Variants in PLXDC2 observed in about 807,000 individuals in gnomAD.
The protein encoded by PLXDC2 is plexin domain containing 2.
In PLXDC2, 40 loss-of-function variants were observed where a neutral mutation model predicts 68.9. The ratio of observed to expected loss-of-function variants is 0.58; its 90% confidence interval spans 0.45 to 0.76. The LOEUF is 0.76. Among genes scored for constraint, PLXDC2 ranks in the 30% least tolerant of loss-of-function variants. The probability of loss-of-function intolerance (pLI) is 0.00; values close to 1 mark genes in which losing one functional copy is unlikely to be tolerated. For missense variants in PLXDC2, 644 were observed against 661.9 expected (o/e 0.97, Z 0.30); for synonymous variants, 243 against 234.2 (o/e 1.04, Z -0.34).
intron 6 of PLXDC2, among the ~76,000 whole-genome samples, chr10:20,150,442 C>T (rs116270623): frequency 8.4e-4 from 128 of 152,142 alleles, no homozygotes; most frequent in African/African-American, 2.9e-3. Flanking sequence ...AGCAGTGTGG[C>T]GATTCCTCAA....
At chr10:19,945,995 A>G (rs547080150) in intron 1 of PLXDC2, among the ~76,000 whole-genome samples, 1 of 152,202 alleles carries the variant, frequency 6.6e-6, no homozygotes, top group African/African-American at 2.4e-5. Flanking sequence ...ATTGGACCCA[A>G]TGCTGCATCC....
In PLXDC2 at chr10:20,121,534, G is replaced by A. The variant is rs560755762; in HGVS notation, c.542-21761G>A. 4.5e-4 allele frequency among the ~76,000 whole-genome samples: 69 copies of A among 152,294 alleles called. No homozygotes were observed. In the South Asian group the frequency reaches 8.5e-3, roughly 19 times the overall value. ...ATGGGGGCTGTCTGTGAAGCCTTGCGGCAGTACAGCCCAGGTAATTTGCTG... is the reference window on the plus strand; with the variant it reads ...ATGGGGGCTGTCTGTGAAGCCTTGCAGCAGTACAGCCCAGGTAATTTGCTG... On this transcript the variant is annotated intron_variant, in intron 4 of 13. Transcript: ENST00000377252.
chr10:20,189,769 G>A (rs1342714235), intron 9 of PLXDC2, among the ~76,000 whole-genome samples: 1 of 150,944 alleles, frequency 6.6e-6, no homozygotes, highest in East Asian at 2.0e-4. Context: ...GTTGAACTCT[G>A]TATATTTATA....
chr10:19,981,823 C>T (rs967565142), intron 1 of PLXDC2, among the ~76,000 whole-genome samples: 2 of 152,176 alleles, frequency 1.3e-5, no homozygotes, highest in Non-Finnish European at 2.9e-5. Context: ...TGGCACTGAT[C>T]GTAAGGACCC....
chr10:20,028,830 C>T (rs1835451435), intron 2 of PLXDC2, among the ~76,000 whole-genome samples: 1 of 152,162 alleles, frequency 6.6e-6, no homozygotes, highest in African/African-American at 2.4e-5. Flanking sequence ...CTGTTCCACC[C>T]TATTTTCTAG....
At chr10:20,083,083 C>A (rs986522681) in intron 4 of PLXDC2, among the ~76,000 whole-genome samples, 4 of 152,064 alleles carry the variant, frequency 2.6e-5, no homozygotes, top group African/African-American at 9.7e-5. Flanking sequence ...ATACAAGAAA[C>A]TATTAATAGT....
intron 2 of PLXDC2, among the ~76,000 whole-genome samples, chr10:20,006,238 T>C (rs1423026634): frequency 6.6e-6 from 1 of 151,602 alleles, no homozygotes; most frequent in Admixed American, 6.6e-5. Context: ...TTGGGGAAAA[T>C]AGTTTTGCCC....
intron 6 of PLXDC2, among the ~76,000 whole-genome samples, chr10:20,148,579 C>A (rs1834109449): frequency 6.6e-6 from 1 of 152,094 alleles, no homozygotes; most frequent in Non-Finnish European, 1.5e-5. Flanking sequence ...TGTTTGATTT[C>A]CAACTCTTCT....
rs542064227 is a variant in PLXDC2 at position 19,954,891 on chromosome 10, C to CT, written c.113-46884_113-46883insT. On this transcript the variant is annotated intron_variant, in intron 1 of 13. Coordinates refer to ENST00000377252, the MANE Select transcript of PLXDC2 (RefSeq NM_032812.9). ...TCCTTAACTGGCACTCTTGCCCCCCCATCCCTGTCGTATCTATCTGTACAC... is the reference window on the plus strand; with the variant it reads ...TCCTTAACTGGCACTCTTGCCCCCCCTATCCCTGTCGTATCTATCTGTACAC... Among the ~76,000 whole-genome samples the CT allele has an allele frequency of 1.5e-4, 23 of 152,228 alleles. No individual in the cohort carries two copies. In the South Asian group the frequency reaches 4.8e-3, roughly 32 times the overall value.
chr10:20,114,035 G>T (rs1833591775), intron 4 of PLXDC2, among the ~76,000 whole-genome samples: 1 of 152,170 alleles, frequency 6.6e-6, no homozygotes, highest in African/African-American at 2.4e-5. Flanking sequence ...GAGGCAGGGG[G>T]ATTGCTAGAA....
At chr10:20,133,699 A>G (rs1326908833) in intron 4 of PLXDC2, among the ~76,000 whole-genome samples, 2 of 152,038 alleles carry the variant, frequency 1.3e-5, no homozygotes, top group African/African-American at 4.8e-5. Context: ...TTATGTCTAA[A>G]CTACTTGGGA....
At chr10:20,214,287 T>G (rs1835107880) in intron 10 of PLXDC2, among the ~76,000 whole-genome samples, 1 of 152,144 alleles carries the variant, frequency 6.6e-6, no homozygotes, top group Non-Finnish European at 1.5e-5. Flanking sequence ...ACAGCTATTT[T>G]TTTTTCTTTT....
At chr10:20,212,345 A>G (rs1835080215) in intron 10 of PLXDC2, among the ~76,000 whole-genome samples, 1 of 152,162 alleles carries the variant, frequency 6.6e-6, no homozygotes, top group African/African-American at 2.4e-5. Context: ...GAGAGATGGT[A>G]TAATGTTAAC....
At chr10:20,162,443 C>T (rs10764206) in intron 6 of PLXDC2, among the ~76,000 whole-genome samples, 132,669 of 151,710 alleles carry the variant, frequency 0.87, 58,286 homozygotes, top group Non-Finnish European at 0.91. Flanking sequence ...ACTGAACTCA[C>T]AGAAGTTGGA....
chr10:20,173,389 A>G (rs79843612), intron 7 of PLXDC2, among the ~76,000 whole-genome samples: 2,465 of 152,286 alleles, frequency 0.016, 53 homozygotes, highest in Non-Finnish European at 0.02. Context: ...TGCTTTCAAG[A>G]CAGAAAAATA....
intron 1 of PLXDC2, among the ~76,000 whole-genome samples, chr10:19,867,035 G>A (rs1443562176): frequency 2.7e-5 from 4 of 149,590 alleles, no homozygotes; most frequent in Non-Finnish European, 4.4e-5. Context: ...AAAGAAGAAT[G>A]ACAATTGGAA....
chr10:19,959,689 T>A (rs947990775), intron 1 of PLXDC2, among the ~76,000 whole-genome samples: 1 of 152,202 alleles, frequency 6.6e-6, no homozygotes, highest in Admixed American at 6.5e-5. Context: ...CTGGGGTCTA[T>A]GTATCACTTA....
At chr10:20,005,408 A>G (rs1835011101) in intron 2 of PLXDC2, among the ~76,000 whole-genome samples, 1 of 152,150 alleles carries the variant, frequency 6.6e-6, no homozygotes, top group African/African-American at 2.4e-5. Flanking sequence ...GCTCCTTGGC[A>G]CTGCCACTAG....
At chr10:19,827,564 CT>C (rs57646240) in intron 1 of PLXDC2, among the ~76,000 whole-genome samples, 103,336 of 145,872 alleles carry the variant, frequency 0.71, 37,166 homozygotes, top group African/African-American at 0.85. Context: ...TTTTCTTTTT[CT>C]TTTTTTTTTT....
Sources: gnomAD v4.1 joint callset for allele counts (sites outside exome capture counted in the v4.1 genomes callset) on GRCh38, gnomAD v4.1.1 for gene constraint, MANE v1.5 for transcripts, NCBI Gene and HGNC (gene_info 2026-07-23, HGNC 2026-07-21) for gene names.